Variants in DMRT1 observed in about 807,000 individuals in gnomAD.
DMRT1 encodes doublesex- and mab-3-related transcription factor 1.
Under a neutral mutation model 32.3 loss-of-function variants are expected in DMRT1, and 7 were observed. The observed-to-expected ratio is 0.22, with a 90% CI of 0.12 to 0.41. The LOEUF (loss-of-function observed/expected upper bound fraction) is 0.41. Ranked by LOEUF, DMRT1 falls within the 10% of genes least tolerant of loss-of-function variation. DMRT1 has a pLI of 1.00. For synonymous variants in DMRT1, 278 were observed against 206.1 expected (o/e 1.35, Z -2.99); for missense variants, 625 against 500.5 (o/e 1.25, Z -2.37).
At chr9:932,217 A>G (rs556825458) in intron 4 of DMRT1, among the ~76,000 whole-genome samples, 33 of 152,292 alleles carry the variant, frequency 2.2e-4, no homozygotes, top group African/African-American at 7.2e-4. Context: ...TTTCTAATCC[A>G]TGCCATCTTT....
intron 4 of DMRT1, among the ~76,000 whole-genome samples, chr9:959,600 C>G (rs565481085): frequency 2.6e-5 from 4 of 152,332 alleles, no homozygotes; most frequent in Middle Eastern, 3.4e-3. Context: ...ACTATCTTGG[C>G]TCACTGCCAC....
intron 3 of DMRT1, among the ~76,000 whole-genome samples, chr9:906,072 C>T (rs1817767412): frequency 1.3e-5 from 2 of 151,764 alleles, no homozygotes; most frequent in Non-Finnish European, 2.9e-5. Context: ...CTTCCAAATC[C>T]ATGTACTTTA....
chr9:842,015 G>T lies in DMRT1; in HGVS notation c.177G>T (p.Gly59=), dbSNP rs2132532112. Residue 59 remains glycine, a synonymous_variant, in exon 1 of 5, where the codon GGG becomes GGT. Transcript: ENST00000382276. Reference sequence around the variant, plus strand: ...GCAGAGGAGGCGGCTCCGGCTCCGGGGCGTCGGACCTGGGTGCCGGGAGCA... The same window carrying T: ...GCAGAGGAGGCGGCTCCGGCTCCGGTGCGTCGGACCTGGGTGCCGGGAGCA... ...GSSRGGGSGS[G]ASDLGAGSKK... is the part of the protein sequence containing the mutation. 1.3e-6 allele frequency: 2 copies of T among 1,552,326 alleles called. No individual in the cohort carries two copies. The highest frequency in any genetic ancestry group is 1.4e-5 in the African/African-American group (1 of 73,500).
chr9:940,011 A>G (rs757172528), intron 4 of DMRT1, among the ~76,000 whole-genome samples: 3 of 152,164 alleles, frequency 2.0e-5, no homozygotes, highest in African/African-American at 7.2e-5. Flanking sequence ...TCATGATCAG[A>G]TTCCACTTTA....
intron 3 of DMRT1, among the ~76,000 whole-genome samples, chr9:910,453 C>G (rs1236832298): frequency 2.0e-4 from 31 of 151,872 alleles, no homozygotes; most frequent in Admixed American, 2.0e-3. Context: ...ATAGACTGTT[C>G]ACTTTGATGC....
chr9:891,370 G>C (rs1423756014), intron 2 of DMRT1, among the ~76,000 whole-genome samples: 1 of 151,980 alleles, frequency 6.6e-6, no homozygotes, highest in Non-Finnish European at 1.5e-5. Flanking sequence ...AGGATCGCTT[G>C]AGCCCAGAAG....
intron 2 of DMRT1, among the ~76,000 whole-genome samples, chr9:891,663 C>A (rs1352359500): frequency 6.6e-6 from 1 of 151,246 alleles, no homozygotes; most frequent in Non-Finnish European, 1.5e-5. Context: ...TGCAAGCATA[C>A]GCCACCACGC....
At chr9:871,344 T>C (rs1816241923) in intron 2 of DMRT1, among the ~76,000 whole-genome samples, 1 of 147,852 alleles carries the variant, frequency 6.8e-6, no homozygotes, top group Non-Finnish European at 1.5e-5. Flanking sequence ...AACTCTTTTT[T>C]TTTTTTGAGA....
At chr9:899,755 A>G (rs1817500034) in intron 3 of DMRT1, among the ~76,000 whole-genome samples, 1 of 152,216 alleles carries the variant, frequency 6.6e-6, no homozygotes, top group Admixed American at 6.5e-5. Flanking sequence ...CAGGTTGACA[A>G]GGGAGAGGTG....
rs1820019098 is a variant in DMRT1 at position 968,803 on chromosome 9, C to T, written c.*664C>T. 6.5e-6 allele frequency: 1 copy of T among 152,882 alleles called. No homozygotes were observed. Among genetic ancestry groups the T allele is most frequent in the Non-Finnish European group, 1.5e-5 (1 of 68,332 alleles). The allele number at this position is 152,882 out of a possible 1,614,324, so 9.5% of individuals were successfully genotyped here. A position where few individuals can be genotyped will look rare whatever the true frequency, so the allele number is the denominator to read the frequency against. ...GCAATTTAAAGTGACCTTAGTGATG[C>T]AGAGTTCCTGAGTGGTGTTTGTAGA... On this transcript the variant is annotated 3_prime_UTR_variant, in exon 5 of 5. Transcript: ENST00000382276.
rs751511120 is a variant in DMRT1 at position 894,173 on chromosome 9, G to A, written c.800G>A (p.Gly267Asp). The A allele has an allele frequency of 6.2e-7, 1 of 1,613,792 alleles. No homozygotes were observed. Among genetic ancestry groups the A allele is most frequent in the Non-Finnish European group, 8.5e-7 (1 of 1,180,044 alleles). The change falls in exon 3 of 5, where the codon GGT (glycine) becomes GAT (aspartate). Residue 267 changes from glycine to aspartate, a missense_variant. This residue lies in a region of DMRT1 where 416 missense variants were observed against 321.6 expected (regional missense o/e 1.29). Coordinates refer to ENST00000382276, the MANE Select transcript of DMRT1 (RefSeq NM_021951.3). ...GGCCTCCCCGGACCTTATGTGCCTG[G>A]TCAGACAGGAAACCAGTGGCAGGTA... ...LRGLPGPYVP[G>D]QTGNQWQMKN...
chr9:861,665 C>G (rs1024323734), intron 2 of DMRT1, among the ~76,000 whole-genome samples: 2 of 151,378 alleles, frequency 1.3e-5, no homozygotes, highest in Non-Finnish European at 2.9e-5. Context: ...TCCTCACTTC[C>G]CAGACGGGGA....
intron 4 of DMRT1, among the ~76,000 whole-genome samples, chr9:956,791 C>A (rs61227399): frequency 0.03 from 4,580 of 152,200 alleles, 231 homozygotes; most frequent in African/African-American, 0.1. Context: ...AAGTTCAGAG[C>A]CTCGCTCTCT....
chr9:914,501 G>A (rs1422109100), intron 3 of DMRT1, among the ~76,000 whole-genome samples: 4 of 150,236 alleles, frequency 2.7e-5, no homozygotes, highest in African/African-American at 9.8e-5. Context: ...GTGAACCTGG[G>A]AGGCGGAGCT....
chr9:847,233 C>A, intron 2 of DMRT1, 90 bp downstream of exon 2: 1 of 1,362,082 alleles, frequency 7.3e-7, no homozygotes, highest in Non-Finnish European at 1.0e-6. Context: ...CCCTGAGCTA[C>A]ATACAGTGTT....
At chr9:956,853 G>A (rs1237831936) in intron 4 of DMRT1, among the ~76,000 whole-genome samples, 2 of 152,196 alleles carry the variant, frequency 1.3e-5, no homozygotes, top group Admixed American at 1.3e-4. Flanking sequence ...AGAGATCATA[G>A]GTGGTTGTTC....
At chr9:888,302 CT>C (rs33910017) in intron 2 of DMRT1, among the ~76,000 whole-genome samples, 101,908 of 143,922 alleles carry the variant, frequency 0.71, 35,667 homozygotes, top group African/African-American at 0.76. Context: ...CAATGGAATT[CT>C]TTTTTTTTTT....
chr9:968,004 T>G lies in DMRT1; in HGVS notation c.987T>G (p.Ser329Arg), dbSNP rs368819810. 3.1e-6 allele frequency: 5 copies of G among 1,613,940 alleles called. No homozygotes were observed. In the African/African-American group the frequency reaches 6.7e-5, roughly 22 times the overall value. The change falls in exon 5 of 5, where the codon AGT (serine) becomes AGG (arginine). Residue 329 changes from serine to arginine, a missense_variant. By Grantham distance (110) the Ser-to-Arg change is moderately radical. Around this residue, in one of 3 missense-constraint regions of DMRT1, gnomAD observed 416 missense variants for 321.6 expected, o/e 1.29. Coordinates refer to ENST00000382276, the MANE Select transcript of DMRT1 (RefSeq NM_021951.3). ...ARASVFSPPS[S>R]QDSGLVSLSS... ...TCGCAGTATTCTCGCCGCCCAGCAG[T>G]CAAGATTCTGGCTTGGTTTCCCTCT...
At chr9:854,449 A>C (rs1589451280) in intron 2 of DMRT1, among the ~76,000 whole-genome samples, 1 of 151,878 alleles carries the variant, frequency 6.6e-6, no homozygotes, top group Non-Finnish European at 1.5e-5. Context: ...ATGCCTGGCT[A>C]ATTTTTGTAT....
Sources: allele counts gnomAD v4.1 joint callset (sites outside exome capture counted in the v4.1 genomes callset), GRCh38; gene constraint gnomAD v4.1.1; regional missense constraint gnomAD v4.1.1; transcripts MANE v1.5; gene names NCBI Gene and HGNC (gene_info 2026-07-23, HGNC 2026-07-21).